FAM186A: variants seen among roughly 807,000 people sequenced by gnomAD.
FAM186A encodes the protein family with sequence similarity 186 member A.
In FAM186A, 163 loss-of-function variants were observed where a neutral mutation model predicts 216.8. The ratio of observed to expected loss-of-function variants is 0.75; its 90% confidence interval spans 0.66 to 0.86. The LOEUF (loss-of-function observed/expected upper bound fraction) is 0.86. Ranked by LOEUF, FAM186A falls within the 40% of genes least tolerant of loss-of-function variation. The pLI is 0.00. For missense variants in FAM186A, 2,184 were observed against 2,746.2 expected (o/e 0.80, Z 4.58); for synonymous variants, 805 against 1,025.3 (o/e 0.79, Z 4.10).
At chr12:50,391,735 A>G (rs1943359147) in intron 1 of FAM186A, among the ~76,000 whole-genome samples, 1 of 152,124 alleles carries the variant, frequency 6.6e-6, no homozygotes, top group African/African-American at 2.4e-5. Flanking sequence ...CCTCCCAAGT[A>G]GCTGGGATTA....
At position 50,350,833 on chromosome 12, in the gene FAM186A, G is replaced by A; in HGVS notation, c.5999C>T (p.Thr2000Ile). The A allele has an allele frequency of 6.4e-7, 1 of 1,551,690 alleles. No homozygotes were observed. The highest frequency in any genetic ancestry group is 8.7e-7 in the Non-Finnish European group (1 of 1,147,004). Residue 2000 changes from threonine (T) to isoleucine (I), a missense_variant, in exon 4 of 8, where the codon ACC becomes ATC. By Grantham distance (89) the Thr-to-Ile change is moderately conservative (BLOSUM62 -1). Transcript: ENST00000327337. Reference sequence around the variant, plus strand: ...AGCAAAAGTGTCTCGAAGTATCTGGGTTTCTTCGGAAGTGTCAGAGACCTC... The same window carrying A: ...AGCAAAAGTGTCTCGAAGTATCTGGATTTCTTCGGAAGTGTCAGAGACCTC... Reference protein sequence around the residue: ...MSEVSDTSEETQILRDTFAIE... With the variant: ...MSEVSDTSEEIQILRDTFAIE...
chr12:50,373,253 C>T (rs769936893), intron 1 of FAM186A, among the ~76,000 whole-genome samples: 13 of 151,914 alleles, frequency 8.6e-5, no homozygotes, highest in Admixed American at 2.0e-4. Context: ...AAAAATTAGC[C>T]GGGTGTGGTG....
At chr12:50,392,253 TTTG>T (rs1462348573) in intron 1 of FAM186A, 20 of 158,286 alleles carry the variant, frequency 1.3e-4, no homozygotes, top group South Asian at 1.8e-4. Context: ...GTTTCACAGG[TTTG>T]TTGTTTGTTT....
chr12:50,356,137 G>GT lies in FAM186A; in HGVS notation c.694dup (p.Thr232AsnfsTer28), dbSNP rs1942974494. On this transcript the variant is annotated frameshift_variant, in exon 4 of 8. Transcript: ENST00000327337. LOFTEE classifies it high-confidence loss of function. ...CATACCTTGGATTTCTGAAACCTTT[G>GT]TATTTGTTGCAAGTTGATCACTAAT... 4 of 1,551,566 alleles carry GT rather than the reference G, an allele frequency of 2.6e-6. No homozygotes were observed. The highest frequency in any genetic ancestry group is 3.5e-6 in the Non-Finnish European group (4 of 1,146,964).
intron 1 of FAM186A, among the ~76,000 whole-genome samples, chr12:50,390,156 A>G (rs546346702): frequency 1.3e-5 from 2 of 152,300 alleles, no homozygotes; most frequent in African/African-American, 2.4e-5. Context: ...TTTTTGATTA[A>G]TGGGTAGACC....
At chr12:50,373,361 C>A (rs1943168249) in intron 1 of FAM186A, among the ~76,000 whole-genome samples, 1 of 152,132 alleles carries the variant, frequency 6.6e-6, no homozygotes, top group Admixed American at 6.6e-5. Flanking sequence ...CACACCATTG[C>A]ACTCCAGCCT....
At position 50,353,002 on chromosome 12, in the gene FAM186A, A is replaced by T. The variant is rs1014932580; in HGVS notation, c.3830T>A (p.Ile1277Asn). 6.5e-6 allele frequency: 10 copies of T among 1,535,274 alleles called. No individual in the cohort carries two copies. Among genetic ancestry groups the T allele is most frequent in the Non-Finnish European group, 7.9e-6 (9 of 1,138,936 alleles). Residue 1277 changes from isoleucine (I) to asparagine (N), a missense_variant, in exon 4 of 8, where the codon ATC (isoleucine) becomes AAC (asparagine). Around this residue, in one of 7 missense-constraint regions of FAM186A, gnomAD observed 267 missense variants for 446.2 expected, o/e 0.60. Coordinates refer to ENST00000327337, the MANE Select transcript of FAM186A (RefSeq NM_001145475.3). The stretch of plus-strand genomic sequence containing the variant: ...CTGAGCCTGCTTAGGGGTGAGAGTG[A>T]TCCCCAGGGCCTGGGCCTGCTGAGG... Reference protein sequence around the residue: ...LTPQQAQALGITLTPKQAQEL... With the variant: ...LTPQQAQALGNTLTPKQAQEL...
Position 50,351,501 on chromosome 12 carries a change from G to A in FAM186A, c.5331C>T (p.Pro1777=), listed in dbSNP as rs937009181. Residue 1777 remains proline, a synonymous_variant, in exon 4 of 8, where the codon CCC becomes CCT. Coordinates refer to ENST00000327337, the MANE Select transcript of FAM186A (RefSeq NM_001145475.3). ...LNQGPFAPGK[P]LEMGILSEPG... The stretch of plus-strand genomic sequence containing the variant: ...GCTCAGAAAGAATCCCCATTTCTAG[G>A]GGCTTCCCAGGGGCAAAGGGGCCTT... 6.7e-7 allele frequency: 1 copy of A among 1,494,550 alleles called. No homozygotes were observed. The highest frequency in any genetic ancestry group is 1.4e-5 in the African/African-American group (1 of 70,722). The allele number at this position is 1,494,550 out of a possible 1,614,324, so 92.6% of individuals were successfully genotyped here. A position where few individuals can be genotyped will look rare whatever the true frequency, so the allele number is the denominator to read the frequency against.
intron 1 of FAM186A, among the ~76,000 whole-genome samples, chr12:50,365,038 C>CA (rs61497355): frequency 0.35 from 38,213 of 110,642 alleles, 6,824 homozygotes; most frequent in South Asian, 0.54. Context: ...AACTCCGTCT[C>CA]AAAAAAAAAA....
Position 50,345,072 on chromosome 12 carries a change from T to C in FAM186A, c.6503+5257A>G, listed in dbSNP as rs115221093. On this transcript the variant is annotated intron_variant, in intron 4 of 7. Transcript: ENST00000327337. ...TTCGAGACCAGCCTGACCAATATGATGAAATTCTGTCTTTACTAAAAATAC... is the reference window on the plus strand; with the variant it reads ...TTCGAGACCAGCCTGACCAATATGACGAAATTCTGTCTTTACTAAAAATAC... Among the ~76,000 whole-genome samples the C allele has an allele frequency of 1.9e-3, 285 of 152,250 alleles. 1 individual carries two copies. Among genetic ancestry groups the C allele is most frequent in the African/African-American group, 6.5e-3 (268 of 41,538 alleles).
intron 1 of FAM186A, among the ~76,000 whole-genome samples, chr12:50,377,945 C>T (rs531047515): frequency 1.5e-4 from 23 of 151,940 alleles, no homozygotes; most frequent in Non-Finnish European, 3.4e-4. Flanking sequence ...GAAAAGTCGG[C>T]GAGGCGAGGT....
intron 1 of FAM186A, among the ~76,000 whole-genome samples, chr12:50,373,386 G>GA (rs1307195506): frequency 1.3e-5 from 2 of 152,162 alleles, no homozygotes; most frequent in East Asian, 3.8e-4. Flanking sequence ...GACAGAGTAA[G>GA]ACTCCATCTC....
chr12:50,391,858 T>C (rs1041032105), intron 1 of FAM186A, among the ~76,000 whole-genome samples: 17 of 152,310 alleles, frequency 1.1e-4, no homozygotes, highest in African/African-American at 4.1e-4. Context: ...AATGAAAGCA[T>C]ATATCTGTAT....
chr12:50,389,209 TA>T (rs980289915), intron 1 of FAM186A, among the ~76,000 whole-genome samples: 4 of 150,688 alleles, frequency 2.7e-5, no homozygotes, highest in African/African-American at 7.3e-5. Context: ...CTACTAAAAA[TA>T]AAAAAATAGG....
Position 50,366,006 on chromosome 12 carries a change from CT to C in FAM186A, c.193-2643del, listed in dbSNP as rs1943084217. ...ACTGGACAAAGACCGCAAAAAGATC[CT>C]TGAACAGAAAGCCAAATCTCGCCAA... On this transcript the variant is annotated intron_variant, in intron 1 of 7. Transcript: ENST00000327337. 4 of 765,072 alleles carry C rather than the reference CT, an allele frequency of 5.2e-6. No homozygotes were observed. In the South Asian group the frequency reaches 5.4e-5, roughly 10 times the overall value. 47.4% of individuals were successfully genotyped at this position (765,072 alleles called of 1,614,324 possible).
intron 1 of FAM186A, among the ~76,000 whole-genome samples, chr12:50,366,816 C>T (rs1388618803): frequency 2.0e-5 from 3 of 151,624 alleles, no homozygotes; most frequent in Non-Finnish European, 2.9e-5. Context: ...AGTTCGAGAC[C>T]AGCCTGAGCA....
chr12:50,393,414 G>C (rs796955399), intron 1 of FAM186A, among the ~76,000 whole-genome samples: 79 of 151,772 alleles, frequency 5.2e-4, no homozygotes, highest in Admixed American at 1.5e-3. Context: ...GCGGGTGCCT[G>C]TTGTCTAGTC....
Position 50,350,614 on chromosome 12 carries a change from A to G in FAM186A, c.6218T>C (p.Ile2073Thr), listed in dbSNP as rs987458046. 5.2e-6 allele frequency: 8 copies of G among 1,551,480 alleles called. No homozygotes were observed. The African/African-American group carries it at 9.6e-5, about 19-fold the overall frequency. The change falls in exon 4 of 8, where the codon ATA becomes ACA. Residue 2073 changes from isoleucine to threonine, a missense_variant. Physicochemically the swap from Ile to Thr is moderately conservative, Grantham distance 89. Coordinates refer to ENST00000327337, the MANE Select transcript of FAM186A (RefSeq NM_001145475.3). ...TGAACTCAGTATCCAGGGCTTGTCT[A>G]TAGGAGGGAATCGGGATTTCTGGTA... ...EWYQKSRFPP[I>T]DKPWILSSVS...
At chr12:50,393,435 G>T (rs1233096428) in intron 1 of FAM186A, among the ~76,000 whole-genome samples, 1 of 151,836 alleles carries the variant, frequency 6.6e-6, no homozygotes, top group Non-Finnish European at 1.5e-5. Context: ...TCAGCTGCTC[G>T]GGAGGCTGAG....
Sources: gnomAD v4.1 joint callset for allele counts (sites outside exome capture counted in the v4.1 genomes callset) on GRCh38, gnomAD v4.1.1 for gene constraint, gnomAD v4.1.1 regional missense constraint, MANE v1.5 for transcripts, NCBI Gene and HGNC (gene_info 2026-07-23, HGNC 2026-07-21) for gene names.